ASTN2: variants seen among roughly 807,000 people sequenced by gnomAD.
ASTN2 encodes the protein astrotactin 2, also known as astrotactin-2.
Under a neutral mutation model 139.8 loss-of-function variants are expected in ASTN2, and 54 were observed. The ratio of observed to expected loss-of-function variants is 0.39; its 90% CI spans 0.31 to 0.48. The LOEUF (loss-of-function observed/expected upper bound fraction) is 0.48, where lower values mean the gene tolerates loss of function less well. ASTN2 is among the 20% of genes least tolerant of loss of function. ASTN2 has a pLI of 0.95. For missense variants in ASTN2, 1,565 were observed against 1,725.1 expected (o/e 0.91, Z 1.64); for synonymous variants, 756 against 719.5 (o/e 1.05, Z -0.81).
At chr9:116,525,404 G>A (rs192941870) in intron 19 of ASTN2, among the ~76,000 whole-genome samples, 1 of 152,284 alleles carries the variant, frequency 6.6e-6, no homozygotes, top group African/African-American at 2.4e-5. Context: ...TGTGGCATAG[G>A]AGGAAGCACC....
At chr9:117,078,173 G>A (rs946559462) in intron 5 of ASTN2, among the ~76,000 whole-genome samples, 1 of 152,140 alleles carries the variant, frequency 6.6e-6, no homozygotes, top group Admixed American at 6.5e-5. Flanking sequence ...ATCCTGTAGA[G>A]CATCAGAGCT....
At chr9:117,075,277 C>G (rs1052951537) in intron 5 of ASTN2, among the ~76,000 whole-genome samples, 1 of 152,168 alleles carries the variant, frequency 6.6e-6, no homozygotes, top group African/African-American at 2.4e-5. Context: ...CCAGCCTCCC[C>G]TAGCCCCAGG....
At chr9:116,855,074 G>A (rs912674166) in intron 11 of ASTN2, among the ~76,000 whole-genome samples, 1 of 152,006 alleles carries the variant, frequency 6.6e-6, no homozygotes, top group African/African-American at 2.4e-5. Flanking sequence ...AATAAAACCA[G>A]CTTACCAGAA....
At chr9:116,524,140 G>A (rs1850993023) in intron 19 of ASTN2, among the ~76,000 whole-genome samples, 1 of 151,988 alleles carries the variant, frequency 6.6e-6, no homozygotes, top group African/African-American at 2.4e-5. Flanking sequence ...GGGATTCCCT[G>A]GTGAAAGAAA....
At chr9:116,529,332 G>A (rs1053591223) in intron 19 of ASTN2, among the ~76,000 whole-genome samples, 18 of 152,170 alleles carry the variant, frequency 1.2e-4, no homozygotes, top group African/African-American at 3.1e-4. Flanking sequence ...GTTGGGTTTC[G>A]GACATGCATG....
intron 1 of ASTN2, among the ~76,000 whole-genome samples, chr9:117,354,305 C>T (rs111366078): frequency 1.3e-5 from 2 of 152,186 alleles, no homozygotes; most frequent in African/African-American, 4.8e-5. Flanking sequence ...GCCTCTGCCT[C>T]TCCTCCTGTC....
At chr9:116,860,991 C>A (rs1832862190) in intron 11 of ASTN2, among the ~76,000 whole-genome samples, 1 of 152,118 alleles carries the variant, frequency 6.6e-6, no homozygotes, top group African/African-American at 2.4e-5. Flanking sequence ...TGGTATTTCC[C>A]TGTCTATTCT....
intron 19 of ASTN2, among the ~76,000 whole-genome samples, chr9:116,514,952 G>GCAT: frequency 6.6e-6 from 1 of 152,202 alleles, no homozygotes; most frequent in Middle Eastern, 3.4e-3. Flanking sequence ...CCCGGGTGAG[G>GCAT]CGATGCCTCA....
At chr9:116,555,368 G>C (rs894714987) in intron 19 of ASTN2, among the ~76,000 whole-genome samples, 2 of 152,296 alleles carry the variant, frequency 1.3e-5, no homozygotes, top group Middle Eastern at 3.4e-3. Flanking sequence ...GAGCCAAAGT[G>C]AGCTAGGGGC....
chr9:116,534,382 G>C (rs1217702486), intron 19 of ASTN2, among the ~76,000 whole-genome samples: 1 of 152,100 alleles, frequency 6.6e-6, no homozygotes, highest in African/African-American at 2.4e-5. Flanking sequence ...TCTGATCTTA[G>C]TTATTTCTTG....
chr9:117,005,946 G>A (rs1343833017), intron 7 of ASTN2, among the ~76,000 whole-genome samples: 3 of 152,102 alleles, frequency 2.0e-5, no homozygotes, highest in Admixed American at 2.0e-4. Context: ...ATGTTGGGGA[G>A]AACACAAGTG....
chr9:116,728,713 A>C, intron 15 of ASTN2, among the ~76,000 whole-genome samples: 1 of 151,912 alleles, frequency 6.6e-6, no homozygotes, highest in Non-Finnish European at 1.5e-5. Flanking sequence ...ATCCCTCCAC[A>C]CCCTACTCAG....
intron 16 of ASTN2, among the ~76,000 whole-genome samples, chr9:116,721,153 ATTCC>A (rs1369689731): frequency 1.3e-5 from 2 of 152,188 alleles, no homozygotes; most frequent in Non-Finnish European, 1.5e-5. Flanking sequence ...CTATTTTCTT[ATTCC>A]ATCTATACAA....
chr9:116,631,721 G>A (rs1253681021), intron 17 of ASTN2, among the ~76,000 whole-genome samples: 1 of 152,180 alleles, frequency 6.6e-6, no homozygotes, highest in Non-Finnish European at 1.5e-5. Flanking sequence ...AGAAGAATTA[G>A]AATGTTCCCA....
At chr9:116,546,458 G>A (rs2119378044) in intron 19 of ASTN2, 1 of 152,314 alleles carries the variant, frequency 6.6e-6, no homozygotes, top group Middle Eastern at 3.4e-3. Flanking sequence ...GGATACCTTA[G>A]TGAGTCAGGG....
intron 19 of ASTN2, among the ~76,000 whole-genome samples, chr9:116,490,316 G>A (rs1247116701): frequency 1.1e-5 from 1 of 91,834 alleles, no homozygotes; most frequent in East Asian, 3.2e-4. Flanking sequence ...GGGCATTGGT[G>A]GTGAGGGTGA....
At chr9:116,875,590 T>C (rs539337326) in intron 10 of ASTN2, among the ~76,000 whole-genome samples, 9 of 152,336 alleles carry the variant, frequency 5.9e-5, no homozygotes, top group Non-Finnish European at 8.8e-5. Flanking sequence ...CGATTTTCAA[T>C]GTAGATGAAA....
At chr9:116,767,514 G>A (rs755430930) in intron 13 of ASTN2, among the ~76,000 whole-genome samples, 1 of 152,150 alleles carries the variant, frequency 6.6e-6, no homozygotes, top group Non-Finnish European at 1.5e-5. Flanking sequence ...AGGAACGGAG[G>A]GAGCTGACAG....
At chr9:117,234,168 C>A (rs938102585) in intron 2 of ASTN2, among the ~76,000 whole-genome samples, 8 of 152,292 alleles carry the variant, frequency 5.3e-5, no homozygotes, top group African/African-American at 1.9e-4. Context: ...AGGGTAGAGA[C>A]AACTCCTCTC....
Sources: gnomAD v4.1 joint callset for allele counts (sites outside exome capture counted in the v4.1 genomes callset) on GRCh38, gnomAD v4.1.1 for gene constraint, MANE v1.5 for transcripts, NCBI Gene and HGNC (gene_info 2026-07-23, HGNC 2026-07-21) for gene names.